Variants in FREM3 observed in about 807,000 individuals in gnomAD.
FREM3 encodes FRAS1-related extracellular matrix protein 3.
FREM3 carries 105 observed loss-of-function variants against 129.1 expected under a neutral mutation model. The ratio of observed to expected loss-of-function variants is 0.81; its 90% CI spans 0.69 to 0.96. The LOEUF is 0.96. FREM3 is among the 40% of genes least tolerant of loss of function. FREM3 has a pLI of 0.00. For missense variants in FREM3, 2,593 were observed against 2,666.3 expected (o/e 0.97, Z 0.61); for synonymous variants, 1,014 against 1,044.9 (o/e 0.97, Z 0.57).
intron 2 of FREM3, among the ~76,000 whole-genome samples, chr4:143,647,306 C>T (rs1182767155): frequency 6.6e-6 from 1 of 152,132 alleles, no homozygotes; most frequent in African/African-American, 2.4e-5. Flanking sequence ...GGAAAATTTG[C>T]AGTCTGACAA....
At chr4:143,675,960 G>A (rs1412354686) in intron 2 of FREM3, among the ~76,000 whole-genome samples, 1 of 152,194 alleles carries the variant, frequency 6.6e-6, no homozygotes, top group African/African-American at 2.4e-5. Context: ...TCTACCAGAG[G>A]TACAAGGAGG....
intron 5 of FREM3, among the ~76,000 whole-genome samples, chr4:143,615,178 G>T (rs1476379851): frequency 6.6e-6 from 1 of 152,108 alleles, no homozygotes; most frequent in Non-Finnish European, 1.5e-5. Context: ...GGTGGCCAGG[G>T]CGTTTTATCA....
intron 4 of FREM3, among the ~76,000 whole-genome samples, chr4:143,622,317 C>A (rs1350340925): frequency 6.6e-6 from 1 of 151,516 alleles, no homozygotes; most frequent in Non-Finnish European, 1.5e-5. Flanking sequence ...TGGTCTCGAA[C>A]TCCTGGACTC....
At chr4:143,587,465 T>C (rs1406703831) in intron 6 of FREM3, among the ~76,000 whole-genome samples, 1 of 152,170 alleles carries the variant, frequency 6.6e-6, no homozygotes, top group African/African-American at 2.4e-5. Context: ...AATGAACATG[T>C]AGTAATTGTA....
chr4:143,593,180 A>T (rs571969235), intron 6 of FREM3, among the ~76,000 whole-genome samples: 2 of 152,126 alleles, frequency 1.3e-5, no homozygotes, highest in Non-Finnish European at 2.9e-5. Flanking sequence ...ATTGGTTCGA[A>T]CTTCCTCCTT....
At chr4:143,605,778 T>A (rs919481538) in intron 6 of FREM3, among the ~76,000 whole-genome samples, 1 of 152,162 alleles carries the variant, frequency 6.6e-6, no homozygotes, top group African/African-American at 2.4e-5. Context: ...AGGCAAAAAA[T>A]TTACTACTTT....
rs1304087867 is a variant in FREM3, at chr4:143,585,871, T to C, written c.6151A>G (p.Arg2051Gly). ...TCTGCTGACTCCTGCTCTGACTTTC[T>C]GGAGCGCACGGCGATGGATGATGGT... ...SQPSSIAVRS[R>G]KSEQESAEAG... Residue 2051 changes from arginine (R) to glycine (G), a missense_variant, in exon 7 of 8, where the codon AGA becomes GGA. Arg to Gly is a moderately radical substitution (Grantham distance 125). This residue lies in a region of FREM3 where 317 missense variants were observed against 399.0 expected (regional missense o/e 0.79). Coordinates refer to ENST00000329798, the MANE Select transcript of FREM3 (RefSeq NM_001168235.2). The surrounding 1 kb of genome is among the most constrained non-coding windows in gnomAD (Gnocchi z 4.2). The C allele has an allele frequency of 6.5e-7, 1 of 1,537,196 alleles. No homozygotes were observed.
In FREM3 at chr4:143,677,861, A is replaced by G. The variant is rs571904784; in HGVS notation, c.5275+15252T>C. Among the ~76,000 whole-genome samples, 67 of 152,356 alleles carry G rather than the reference A, an allele frequency of 4.4e-4. No individual in the cohort carries two copies. The Middle Eastern group carries it at 0.02, about 46-fold the overall frequency. On this transcript the variant is annotated intron_variant, in intron 2 of 7. Coordinates refer to ENST00000329798, the MANE Select transcript of FREM3 (RefSeq NM_001168235.2). ...TGAGATATGATCTCACAGCAGTTAG[A>G]ATGGCTATCATTAAAAAGTCAGGAA...
intron 6 of FREM3, among the ~76,000 whole-genome samples, chr4:143,598,065 C>T (rs1024337713): frequency 1.3e-5 from 2 of 152,184 alleles, no homozygotes; most frequent in African/African-American, 4.8e-5. Flanking sequence ...CATGAGGGCT[C>T]TGCCCTCATG....
At position 143,596,196 on chromosome 4, in the gene FREM3, G is replaced by C. The variant is rs538386355; in HGVS notation, c.6029-10203C>G. ...CTTGATATTTTAGATTTTATAGAAT[G>C]TGGAAACCAATTTTAGGCAGTGAAA... On this transcript the variant is annotated intron_variant, in intron 6 of 7. Transcript: ENST00000329798. Among the ~76,000 whole-genome samples, 11 of 152,326 alleles carry C rather than the reference G, an allele frequency of 7.2e-5. No homozygotes were observed. The East Asian group carries it at 2.1e-3, about 29-fold the overall frequency.
rs1376949914 is a variant in FREM3 at position 143,697,314 on chromosome 4, A to G, written c.3362T>C (p.Ile1121Thr). The change falls in exon 1 of 8, where the codon ATT (isoleucine) becomes ACT (threonine). Residue 1121 changes from isoleucine to threonine, a missense_variant. By Grantham distance (89) the Ile-to-Thr change is moderately conservative. Around this residue, in one of 2 missense-constraint regions of FREM3, gnomAD observed 2,276 missense variants for 2,267.2 expected, o/e 1.00. Coordinates refer to ENST00000329798, the MANE Select transcript of FREM3 (RefSeq NM_001168235.2). ...CATTTTTGAACCAGGAGCTGATGCA[A>G]TCTTTTCCAGGTAGCCAGAGGCTGG... is the stretch of plus-strand genomic sequence containing the variant. Reference protein sequence around the residue: ...SQPASGYLEKIASAPGSKMSQ... With the variant: ...SQPASGYLEKTASAPGSKMSQ... 2.6e-6 allele frequency: 4 copies of G among 1,537,106 alleles called. No individual in the cohort carries two copies. The highest frequency in any genetic ancestry group is 2.7e-5 in the African/African-American group (2 of 73,046).
intron 6 of FREM3, among the ~76,000 whole-genome samples, chr4:143,605,614 G>C (rs1217882800): frequency 5.3e-5 from 8 of 152,100 alleles, no homozygotes; most frequent in African/African-American, 1.9e-4. Flanking sequence ...TAGCCAAAGT[G>C]GTTTGCCAGG....
At chr4:143,598,091 A>G (rs1353992470) in intron 6 of FREM3, among the ~76,000 whole-genome samples, 1 of 152,244 alleles carries the variant, frequency 6.6e-6, no homozygotes, top group East Asian at 1.9e-4. Flanking sequence ...ATCACCTTCC[A>G]AAGTCCCCAC....
At chr4:143,669,802 A>ATT (rs1739934235) in intron 2 of FREM3, among the ~76,000 whole-genome samples, 1 of 151,990 alleles carries the variant, frequency 6.6e-6, no homozygotes, top group Non-Finnish European at 1.5e-5. Flanking sequence ...ATATATATAT[A>ATT]TTTTTAAATT....
In FREM3 at chr4:143,621,111, C is replaced by T. The variant is rs1220974740; in HGVS notation, c.5705G>A (p.Gly1902Glu). ...EAEYKIEEDI[G>E]ELLIPVRRSG... ...TCGTCTTACTGGAATCAAAAGTTCC[C>T]CAATGTCCTCTTCTATTTTGTATTC... The change falls in exon 5 of 8, where the codon GGG (glycine) becomes GAG (glutamate). Residue 1902 changes from glycine to glutamate, a missense_variant. This residue lies in a region of FREM3 where 317 missense variants were observed against 399.0 expected (regional missense o/e 0.79). Transcript: ENST00000329798. 1 of 1,536,818 alleles carries T rather than the reference C, an allele frequency of 6.5e-7. No homozygotes were observed. Among genetic ancestry groups the T allele is most frequent in the Non-Finnish European group, 8.7e-7 (1 of 1,146,650 alleles).
At chr4:143,593,612 G>A (rs1215042307) in intron 6 of FREM3, among the ~76,000 whole-genome samples, 10 of 152,222 alleles carry the variant, frequency 6.6e-5, no homozygotes, top group Non-Finnish European at 1.5e-5. Flanking sequence ...TCTCAGAGGA[G>A]TACCCGGCTG....
At chr4:143,630,277 A>T (rs1447679301) in intron 2 of FREM3, among the ~76,000 whole-genome samples, 1 of 152,190 alleles carries the variant, frequency 6.6e-6, no homozygotes, top group African/African-American at 2.4e-5. Context: ...TTAAAACAGC[A>T]TAAGATTAAT....
In FREM3 at chr4:143,624,263, T is replaced by C. The variant is rs545048397; in HGVS notation, c.5498A>G (p.Asn1833Ser). Residue 1833 changes from asparagine to serine, a missense_variant, in exon 4 of 8, where the codon AAT becomes AGT. Around this residue, in one of 2 missense-constraint regions of FREM3, gnomAD observed 317 missense variants for 399.0 expected, o/e 0.79. Coordinates refer to ENST00000329798, the MANE Select transcript of FREM3 (RefSeq NM_001168235.2). ...KWKTNKQIQF[N>S]PGQTTATWRV... is the part of the protein sequence containing the mutation. ...CCATGTGGCTGTAGTCTGTCCAGGATTGAACTGGATCTGTTTATTGGTCTT... is the reference window on the plus strand; with the variant it reads ...CCATGTGGCTGTAGTCTGTCCAGGACTGAACTGGATCTGTTTATTGGTCTT... 71 of 1,537,056 alleles carry C rather than the reference T, an allele frequency of 4.6e-5. 1 individual carries two copies. The highest frequency in any genetic ancestry group is 3.7e-4 in the South Asian group (31 of 84,058).
In FREM3 at chr4:143,697,858, T is replaced by C. The variant is rs1740606052; in HGVS notation, c.2818A>G (p.Asn940Asp). The C allele has an allele frequency of 2.6e-6, 4 of 1,537,854 alleles. No individual in the cohort carries two copies. The highest frequency in any genetic ancestry group is 2.0e-5 in the Admixed American group (1 of 51,016). ...CTGAGAGAGATCCTAGGACTTCTGT[T>C]AGCCACATTGGGATGCACAGAAATT... ...IPISVHPNVA[N>D]RSPRISLRSS... The change falls in exon 1 of 8, where the codon AAC becomes GAC. Residue 940 changes from asparagine to aspartate, a missense_variant. Around this residue, in one of 2 missense-constraint regions of FREM3, gnomAD observed 2,276 missense variants for 2,267.2 expected, o/e 1.00. Coordinates refer to ENST00000329798, the MANE Select transcript of FREM3 (RefSeq NM_001168235.2).
Sources: allele counts gnomAD v4.1 joint callset (sites outside exome capture counted in the v4.1 genomes callset), GRCh38; gene constraint gnomAD v4.1.1; regional missense constraint gnomAD v4.1.1; non-coding constraint Gnocchi (gnomAD v3.1); transcripts MANE v1.5; gene names NCBI Gene and HGNC (gene_info 2026-07-23, HGNC 2026-07-21).